PPP3R1: variants seen among roughly 807,000 people sequenced by gnomAD.
PPP3R1 encodes the protein calcineurin subunit B type 1.
A neutral mutation model predicts 22.6 loss-of-function variants in PPP3R1; 5 were observed. The ratio of observed to expected loss-of-function variants is 0.22; its 90% confidence interval spans 0.12 to 0.46. The LOEUF is 0.46. Ranked by LOEUF, PPP3R1 falls within the 20% of genes least tolerant of loss-of-function variation. The pLI is 0.99. For missense variants in PPP3R1, 61 were observed against 203.2 expected (o/e 0.30, Z 4.25); for synonymous variants, 56 against 65.2 (o/e 0.86, Z 0.68).
intron 5 of PPP3R1, among the ~76,000 whole-genome samples, chr2:68,182,538 A>C (rs12468156): frequency 6.6e-6 from 1 of 151,696 alleles, no homozygotes; most frequent in Non-Finnish European, 1.5e-5. Flanking sequence ...TTTTTCAGCC[A>C]GGTGCGGTGT....
intron 1 of PPP3R1, among the ~76,000 whole-genome samples, chr2:68,222,340 T>C (rs1025341959): frequency 6.6e-6 from 1 of 152,218 alleles, no homozygotes; most frequent in African/African-American, 2.4e-5. Flanking sequence ...ATCATTGTGA[T>C]GGTTAATTTT....
At chr2:68,238,997 C>T (rs1479926570) in intron 1 of PPP3R1, among the ~76,000 whole-genome samples, 1 of 151,586 alleles carries the variant, frequency 6.6e-6, no homozygotes. Flanking sequence ...CAAAGCTGTG[C>T]TGAATAATAA....
intron 2 of PPP3R1, among the ~76,000 whole-genome samples, chr2:68,202,741 C>T (rs563736256): frequency 4.7e-5 from 7 of 148,006 alleles, no homozygotes; most frequent in Admixed American, 2.0e-4. Context: ...TTACTTGAGA[C>T]TACTTGTTTA....
chr2:68,211,275 C>T (rs1032802755), intron 2 of PPP3R1, among the ~76,000 whole-genome samples: 15 of 151,690 alleles, frequency 9.9e-5, no homozygotes, highest in Admixed American at 3.3e-4. Context: ...GGCGTGGTGG[C>T]GGGCGCCTGT....
At chr2:68,235,865 T>C (rs531859624) in intron 1 of PPP3R1, among the ~76,000 whole-genome samples, 7 of 152,190 alleles carry the variant, frequency 4.6e-5, no homozygotes, top group African/African-American at 1.4e-4. Flanking sequence ...CTTATCAGTC[T>C]TTTTTGATTA....
chr2:68,227,897 T>C (rs576912891), intron 1 of PPP3R1, among the ~76,000 whole-genome samples: 5 of 152,194 alleles, frequency 3.3e-5, no homozygotes, highest in Non-Finnish European at 5.9e-5. Context: ...TCTATGTAGA[T>C]AGTCATACCA....
At chr2:68,192,676 T>C (rs1200131144) in intron 2 of PPP3R1, among the ~76,000 whole-genome samples, 11 of 152,126 alleles carry the variant, frequency 7.2e-5, no homozygotes, top group Admixed American at 7.2e-4. Flanking sequence ...ATATATGTGG[T>C]TCAATCCATC....
intron 2 of PPP3R1, 118 bp from the exon 3 acceptor site, chr2:68,188,808 T>C (rs1195114704): frequency 1.8e-5 from 14 of 781,594 alleles, no homozygotes; most frequent in Non-Finnish European, 2.7e-5. Flanking sequence ...AAAAAAAATC[T>C]AACAGTTATC....
At chr2:68,218,459 T>G (rs543535611) in intron 1 of PPP3R1, among the ~76,000 whole-genome samples, 1 of 152,270 alleles carries the variant, frequency 6.6e-6, no homozygotes, top group Admixed American at 6.5e-5. Context: ...ATCAAATATG[T>G]TAAAGTGAGG....
intron 2 of PPP3R1, among the ~76,000 whole-genome samples, chr2:68,203,839 C>A (rs1476875092): frequency 2.0e-5 from 3 of 152,166 alleles, no homozygotes; most frequent in African/African-American, 7.2e-5. Flanking sequence ...GTTCTAACGG[C>A]TAGAAGGGTT....
chr2:68,181,916 A>G (rs1437218865), intron 5 of PPP3R1, among the ~76,000 whole-genome samples: 1 of 152,172 alleles, frequency 6.6e-6, no homozygotes, highest in Non-Finnish European at 1.5e-5. Context: ...TAAGTGTAGT[A>G]TCTGTATCAT....
Position 68,252,184 on chromosome 2 carries a change from A to C in PPP3R1, c.-57T>G, listed in dbSNP as rs1334504362. 6 of 1,308,494 alleles carry C rather than the reference A, an allele frequency of 4.6e-6. No individual in the cohort carries two copies. In the South Asian group the frequency reaches 1.1e-4, roughly 24 times the overall value. The allele number at this position is 1,308,494 out of a possible 1,614,324, so 81.1% of individuals were successfully genotyped here. ...GCTGGCTCGGAGAAGTGTTGCGCTC[A>C]GGCTGGCTCGCAGGAAACGGCGGCG... On this transcript the variant is annotated 5_prime_UTR_variant, in exon 1 of 6. Transcript: ENST00000234310.
chr2:68,243,734 CATT>C (rs1373438877), intron 1 of PPP3R1, among the ~76,000 whole-genome samples: 1 of 152,086 alleles, frequency 6.6e-6, no homozygotes, highest in Non-Finnish European at 1.5e-5. Context: ...ATTTCTGACT[CATT>C]GTTTACATTT....
At chr2:68,207,345 G>A (rs1395440375) in intron 2 of PPP3R1, among the ~76,000 whole-genome samples, 1 of 152,030 alleles carries the variant, frequency 6.6e-6, no homozygotes, top group Non-Finnish European at 1.5e-5. Context: ...GATCTTTAGT[G>A]ACAAGGCTCA....
intron 1 of PPP3R1, among the ~76,000 whole-genome samples, chr2:68,236,182 C>A (rs1399139022): frequency 6.6e-6 from 1 of 152,078 alleles, no homozygotes. Flanking sequence ...TGATGATATA[C>A]AATTTACCTT....
rs754945144 is a variant in PPP3R1 at position 68,180,914 on chromosome 2, AG to A, written c.*48del. 1.3e-5 allele frequency: 20 copies of A among 1,536,656 alleles called. No homozygotes were observed. Among genetic ancestry groups the A allele is most frequent in the Non-Finnish European group, 1.8e-5 (20 of 1,111,094 alleles). ...TGCTGGACGTCTTGAGCAGATCTTC[AG>A]AGATGGAGAAGAAAGCAAAAGTGTT... On this transcript the variant is annotated 3_prime_UTR_variant, in exon 6 of 6. Transcript: ENST00000234310.
chr2:68,208,202 C>A (rs751258288), intron 2 of PPP3R1, among the ~76,000 whole-genome samples: 2 of 152,198 alleles, frequency 1.3e-5, no homozygotes, highest in Non-Finnish European at 2.9e-5. Flanking sequence ...TATTATAGAT[C>A]TACATAACAC....
At chr2:68,209,739 C>G (rs1669440308) in intron 2 of PPP3R1, among the ~76,000 whole-genome samples, 1 of 152,078 alleles carries the variant, frequency 6.6e-6, no homozygotes. Context: ...GCCTGGGCAA[C>G]AGAGGCCAAC....
chr2:68,188,394 A>G (rs1674590687), intron 3 of PPP3R1, 120 bp downstream of exon 3: 5 of 752,112 alleles, frequency 6.6e-6, no homozygotes, highest in South Asian at 6.2e-5. Flanking sequence ...AGGTTTTAAC[A>G]TAATCTATTA....
Sources: allele counts gnomAD v4.1 joint callset (sites outside exome capture counted in the v4.1 genomes callset), GRCh38; gene constraint gnomAD v4.1.1; transcripts MANE v1.5; gene names NCBI Gene and HGNC (gene_info 2026-07-23, HGNC 2026-07-21).